Variants in RIIAD1 observed in about 807,000 individuals in gnomAD.
RIIAD1 encodes the protein RIIa domain-containing protein 1.
In RIIAD1, 15 loss-of-function variants were observed where a neutral mutation model predicts 13.3. That is an observed-to-expected ratio of 1.13 (90% confidence interval 0.76 to 1.74). RIIAD1 has a LOEUF of 1.74. Among genes scored for constraint, RIIAD1 ranks in the 40% most tolerant of loss-of-function variants. The pLI is 0.00. For missense variants in RIIAD1, 121 were observed against 112.2 expected (o/e 1.08, Z -0.35); for synonymous variants, 50 against 43.3 (o/e 1.16, Z -0.61).
intron 4 of RIIAD1, among the ~76,000 whole-genome samples, chr1:151,715,220 C>T (rs1019053782): frequency 4.6e-5 from 7 of 152,190 alleles, no homozygotes; most frequent in East Asian, 3.9e-4. Flanking sequence ...CTGGGATCCC[C>T]GGTGTGTGGA....
At chr1:151,729,199 T>G (rs1302336196) in intron 4 of RIIAD1, among the ~76,000 whole-genome samples, 1 of 152,056 alleles carries the variant, frequency 6.6e-6, no homozygotes, top group Non-Finnish European at 1.5e-5. Flanking sequence ...GCCATTAGCA[T>G]CAATATGATG....
At chr1:151,723,936 G>A (rs1673784868) in intron 2 of RIIAD1, among the ~76,000 whole-genome samples, 1 of 152,200 alleles carries the variant, frequency 6.6e-6, no homozygotes, top group Non-Finnish European at 1.5e-5. Context: ...GAAATAAGAT[G>A]ATATCGTTCC....
In RIIAD1 at chr1:151,714,769, A is replaced by G. The variant is rs1673327679; in HGVS notation, c.21+240A>G. ...TCCCTTCCAAAGACTGACGACTGGGAAGCTTTCCCTTCTTGTCATCTTCTG... is the reference window on the plus strand; with the variant it reads ...TCCCTTCCAAAGACTGACGACTGGGGAGCTTTCCCTTCTTGTCATCTTCTG... On this transcript the variant is annotated intron_variant, in intron 4 of 8. Transcript: ENST00000326413. 3 of 899,026 alleles carry G rather than the reference A, an allele frequency of 3.3e-6. No individual in the cohort carries two copies. In the East Asian group the frequency reaches 7.9e-5, roughly 24 times the overall value. The allele number at this position is 899,026 out of a possible 1,614,324, so 55.7% of individuals were successfully genotyped here. A position where few individuals can be genotyped will look rare whatever the true frequency, so the allele number is the denominator to read the frequency against.
chr1:151,728,787 T>G lies in RIIAD1; in HGVS notation c.230T>G (p.Leu77Arg), dbSNP rs1232084420. The G allele has an allele frequency of 6.5e-7, 1 of 1,543,314 alleles. No individual in the cohort carries two copies. The highest frequency in any genetic ancestry group is 2.0e-5 in the Admixed American group (1 of 50,996). The change falls in exon 4 of 5, where the codon CTT becomes CGT. Residue 77 changes from leucine to arginine, a missense_variant. By Grantham distance (102) the Leu-to-Arg change is moderately radical (BLOSUM62 -2). Coordinates refer to ENST00000479191, the MANE Select transcript of RIIAD1 (RefSeq NM_001144956.3). ...FAADYFTDPRLPNKIHMQLIK... is the reference protein window; with the variant it reads ...FAADYFTDPRRPNKIHMQLIK... ...CCAGACTACTTCACGGATCCAAGAC[T>G]TCCCAACAAGATTCACATGCAGCTA... is the stretch of plus-strand genomic sequence containing the variant.
At chr1:151,713,951 C>G (rs918207074) in intron 3 of RIIAD1, among the ~76,000 whole-genome samples, 1 of 152,198 alleles carries the variant, frequency 6.6e-6, no homozygotes, top group African/African-American at 2.4e-5. Flanking sequence ...CTGGGCATAC[C>G]TGGTGGCATC....
upstream of RIIAD1, among the ~76,000 whole-genome samples, chr1:151,718,674 G>A (rs1409994108): frequency 6.6e-6 from 1 of 152,180 alleles, no homozygotes; most frequent in South Asian, 2.1e-4. Context: ...TGGATGCCCG[G>A]GTCCCCCAAG....
chr1:151,722,229 C>T, intron 2 of RIIAD1, 67 bp downstream of exon 2: 1 of 935,608 alleles, frequency 1.1e-6, no homozygotes, highest in Non-Finnish European at 1.7e-6. Context: ...CTAGAGGTTT[C>T]CTTCAGTTAT....
In RIIAD1 at chr1:151,722,142, G is replaced by C; in HGVS notation, c.141G>C (p.Trp47Cys). ...TAAGGACCCACAAAGAAGTAGAGTGGCTCATAAGTGGTTTCTTCAGGTAGG... is the reference window on the plus strand; with the variant it reads ...TAAGGACCCACAAAGAAGTAGAGTGCCTCATAAGTGGTTTCTTCAGGTAGG... ...KYLRTHKEVE[W>C]LISGFFREIF... Residue 47 changes from tryptophan to cysteine, a missense_variant, in exon 2 of 5, where the codon TGG becomes TGC. Physicochemically the swap from Trp to Cys is radical, Grantham distance 215 (BLOSUM62 -2). Transcript: ENST00000479191. The C allele has an allele frequency of 6.4e-7, 1 of 1,550,968 alleles. No individual in the cohort carries two copies. The highest frequency in any genetic ancestry group is 8.7e-7 in the Non-Finnish European group (1 of 1,146,380).
upstream of RIIAD1, among the ~76,000 whole-genome samples, chr1:151,718,009 G>A (rs77380491): frequency 0.016 from 2,362 of 152,044 alleles, 67 homozygotes; most frequent in African/African-American, 0.054. Flanking sequence ...CTCTCCTGGG[G>A]CTCTGGGCTT....
chr1:151,723,428 G>A (rs12139264), intron 2 of RIIAD1, among the ~76,000 whole-genome samples: 59,099 of 151,678 alleles, frequency 0.39, 13,112 homozygotes, highest in Non-Finnish European at 0.52. Context: ...AGGCAGATGC[G>A]TTGGCTCACG....
upstream of RIIAD1, chr1:151,721,444 T>G (rs1021650650): frequency 1.4e-6 from 1 of 706,496 alleles, no homozygotes. Flanking sequence ...CCCTAGCCCC[T>G]GCTTCGCTGA....
At position 151,721,607 on chromosome 1, in the gene RIIAD1, T is replaced by C; in HGVS notation, c.71T>C (p.Leu24Pro). 1 of 1,298,486 alleles carries C rather than the reference T, an allele frequency of 7.7e-7. No homozygotes were observed. 80.4% of individuals were successfully genotyped at this position (1,298,486 alleles called of 1,614,324 possible). ...CTTAGCGCAGCGCAGCTGGAGCAGCTGCGAAAATTCAAGGTGGGTGCGCCC... is the reference window on the plus strand; with the variant it reads ...CTTAGCGCAGCGCAGCTGGAGCAGCCGCGAAAATTCAAGGTGGGTGCGCCC... ...GALSAAQLEQLRKFKIQTRIA... is the reference protein window; with the variant it reads ...GALSAAQLEQPRKFKIQTRIA... The change falls in exon 1 of 5, where the codon CTG (leucine) becomes CCG (proline). Residue 24 changes from leucine to proline, a missense_variant. By Grantham distance (98) the Leu-to-Pro change is moderately conservative. Coordinates refer to ENST00000479191, the MANE Select transcript of RIIAD1 (RefSeq NM_001144956.3).
intron 2 of RIIAD1, among the ~76,000 whole-genome samples, chr1:151,724,175 G>T (rs1443168577): frequency 6.6e-6 from 1 of 152,176 alleles, no homozygotes; most frequent in African/African-American, 2.4e-5. Flanking sequence ...ATCTGAGACT[G>T]GCTGCTGTGG....
At chr1:151,728,473 G>A (rs1673870413) in intron 3 of RIIAD1, 6 of 356,218 alleles carry the variant, frequency 1.7e-5, no homozygotes, top group Admixed American at 5.0e-5. Context: ...GGTGCGACTC[G>A]GGGTAGGTGG....
At chr1:151,723,283 A>G (rs1673772408) in intron 2 of RIIAD1, among the ~76,000 whole-genome samples, 1 of 152,182 alleles carries the variant, frequency 6.6e-6, no homozygotes, top group Non-Finnish European at 1.5e-5. Flanking sequence ...AATCCCAGCT[A>G]CTTGAGAGGC....
At chr1:151,716,797 A>G (rs1327367399), upstream of RIIAD1, 2 of 461,206 alleles carry the variant, frequency 4.3e-6, no homozygotes, top group South Asian at 3.1e-5. Context: ...TCTCCTCAAC[A>G]AAAACCTCCC....
chr1:151,713,315 A>G (rs1193968915), intron 2 of RIIAD1, among the ~76,000 whole-genome samples: 1 of 152,198 alleles, frequency 6.6e-6, no homozygotes, highest in East Asian at 1.9e-4. Context: ...CTGAGCTGCC[A>G]GGCAGCTGGA....
intron 4 of RIIAD1, chr1:151,715,700 G>T: frequency 6.5e-7 from 1 of 1,545,206 alleles, no homozygotes; most frequent in South Asian, 1.2e-5. Context: ...CTTCACCGGG[G>T]TTTCCTGATC....
intron 2 of RIIAD1, among the ~76,000 whole-genome samples, chr1:151,727,295 T>C (rs758282604): frequency 6.6e-6 from 1 of 152,190 alleles, no homozygotes; most frequent in Non-Finnish European, 1.5e-5. Context: ...AACAAGATTG[T>C]TGACGGAATG....
Sources: gnomAD v4.1 joint callset for allele counts (sites outside exome capture counted in the v4.1 genomes callset) on GRCh38, gnomAD v4.1.1 for gene constraint, MANE v1.5 for transcripts, NCBI Gene and HGNC (gene_info 2026-07-23, HGNC 2026-07-21) for gene names.